ITGA9: variants seen among roughly 807,000 people sequenced by gnomAD.
ITGA9 encodes the protein integrin subunit alpha 9.
A neutral mutation model predicts 127.8 loss-of-function variants in ITGA9; 56 were observed. The observed-to-expected ratio is 0.44, with a 90% CI of 0.35 to 0.55. ITGA9 has a LOEUF of 0.55. Ranked by LOEUF, ITGA9 falls within the 20% of genes least tolerant of loss-of-function variation. The pLI, the probability that ITGA9 is intolerant of heterozygous loss-of-function variation, is 0.00. For missense variants in ITGA9, 1,196 were observed against 1,347.1 expected (o/e 0.89, Z 1.76); for synonymous variants, 508 against 514.5 (o/e 0.99, Z 0.17).
intron 26 of ITGA9, chr3:37,790,457 A>T: frequency 2.6e-6 from 1 of 390,014 alleles, no homozygotes; most frequent in Non-Finnish European, 5.1e-6. Flanking sequence ...TCATAACATG[A>T]TGCCCTCAGG....
rs1169690222 is a variant in ITGA9 at position 37,452,745 on chromosome 3, C to T, written c.185+186C>T. Among the ~76,000 whole-genome samples the T allele has an allele frequency of 1.3e-5, 2 of 152,076 alleles. No homozygotes were observed. Among genetic ancestry groups the T allele is most frequent in the African/African-American group, 4.8e-5 (2 of 41,442 alleles). On this transcript the variant is annotated intron_variant, in intron 1 of 27. Transcript: ENST00000264741. The surrounding 1 kb of genome is among the most constrained non-coding windows in gnomAD (Gnocchi z 7.3). ...GAGAAGGGAGGACGCCGTCCGGGGC[C>T]CGCTAAGGTCGGGGTCGGCGCCTGG...
chr3:37,818,366 G>C (rs898688549), intron 27 of ITGA9: 2 of 151,756 alleles, frequency 1.3e-5, no homozygotes, highest in African/African-American at 5.0e-5. Flanking sequence ...AGGTTCAAGC[G>C]ATTCTCGTGC....
At chr3:37,513,997 C>A in intron 9 of ITGA9, 97 bp downstream of exon 9, 2 of 1,393,818 alleles carry the variant, frequency 1.4e-6, no homozygotes, top group Non-Finnish European at 2.0e-6. Flanking sequence ...GCACTGGGGG[C>A]AATGTTACCC....
chr3:37,746,476 C>T (rs1245123529), intron 22 of ITGA9, among the ~76,000 whole-genome samples: 2 of 152,158 alleles, frequency 1.3e-5, no homozygotes, highest in East Asian at 3.9e-4. Context: ...GCAGATATTA[C>T]ACATGAACAT....
chr3:37,613,505 T>C (rs1700044145), intron 15 of ITGA9, among the ~76,000 whole-genome samples: 1 of 152,210 alleles, frequency 6.6e-6, no homozygotes, highest in Admixed American at 6.5e-5. Flanking sequence ...GGTCAAATGG[T>C]ATTTCTAGTT....
intron 18 of ITGA9, among the ~76,000 whole-genome samples, chr3:37,706,587 C>A (rs528933503): frequency 7.1e-4 from 108 of 152,296 alleles, no homozygotes; most frequent in East Asian, 1.4e-3. Flanking sequence ...GGAGCACTCA[C>A]GCCCCAGCTC....
intron 6 of ITGA9, among the ~76,000 whole-genome samples, chr3:37,504,649 A>G (rs115504843): frequency 1.7e-3 from 252 of 152,354 alleles, no homozygotes; most frequent in African/African-American, 5.9e-3. Context: ...TTTGGGGTCT[A>G]GAACAGCTCC....
At chr3:37,734,707 GTCTTGAAC>G (rs1696337559) in intron 19 of ITGA9, among the ~76,000 whole-genome samples, 1 of 152,190 alleles carries the variant, frequency 6.6e-6, no homozygotes, top group Non-Finnish European at 1.5e-5. Context: ...GGCCAGGCTG[GTCTTGAAC>G]TCCTGACCTC....
chr3:37,518,732 C>T (rs1167420648), intron 10 of ITGA9, among the ~76,000 whole-genome samples: 1 of 131,090 alleles, frequency 7.6e-6, no homozygotes, highest in Non-Finnish European at 1.6e-5. Context: ...TTTTTTGGAA[C>T]TAAATTCTTC....
At chr3:37,591,031 C>T (rs1197774050) in intron 15 of ITGA9, among the ~76,000 whole-genome samples, 1 of 152,138 alleles carries the variant, frequency 6.6e-6, no homozygotes, top group Non-Finnish European at 1.5e-5. Flanking sequence ...GGAGGCCCTG[C>T]CCATGGGAGA....
chr3:37,673,331 C>G (rs972536159), intron 17 of ITGA9, among the ~76,000 whole-genome samples: 1 of 152,168 alleles, frequency 6.6e-6, no homozygotes, highest in African/African-American at 2.4e-5. Flanking sequence ...CCATTCCCCA[C>G]CTTTCCCCTG....
intron 8 of ITGA9, among the ~76,000 whole-genome samples, chr3:37,512,040 CTTT>C (rs1698919653): frequency 1.1e-4 from 3 of 26,664 alleles, no homozygotes; most frequent in East Asian, 3.5e-3. Flanking sequence ...TTCTTTCTTT[CTTT>C]CTTTCTTTCT....
At chr3:37,614,717 C>A in intron 15 of ITGA9, among the ~76,000 whole-genome samples, 2 of 151,484 alleles carry the variant, frequency 1.3e-5, no homozygotes, top group Admixed American at 6.6e-5. Flanking sequence ...ATTTTATTCT[C>A]TTTGAAGCAA....
intron 5 of ITGA9, 46 bp downstream of exon 5, chr3:37,494,614 A>C: frequency 6.6e-7 from 1 of 1,516,514 alleles, no homozygotes; most frequent in Non-Finnish European, 9.2e-7. Flanking sequence ...GTGGGTGTTC[A>C]TTTCCTTGCT....
chr3:37,549,861 T>C (rs1426342217), intron 15 of ITGA9, among the ~76,000 whole-genome samples: 2 of 152,216 alleles, frequency 1.3e-5, no homozygotes, highest in Non-Finnish European at 2.9e-5. Flanking sequence ...TAGTAGATAA[T>C]AGTGTGTTTG....
In ITGA9 at chr3:37,629,334, C is replaced by G. The variant is rs1700208037; in HGVS notation, c.1837C>G (p.Gln613Glu). 2.5e-6 allele frequency: 4 copies of G among 1,613,896 alleles called. No homozygotes were observed. Among genetic ancestry groups the G allele is most frequent in the Non-Finnish European group, 3.4e-6 (4 of 1,179,978 alleles). ...KKGQKIAQKN[Q>E]TVFERNCRSE... ...GGGACAAAAGATTGCCCAAAAGAAT[C>G]AGGTCAGAACCTTAAAGCTCATACT... The change falls in exon 16 of 28, where the codon CAG (glutamine) becomes GAG (glutamate). Residue 613 changes from glutamine (Q) to glutamate (E), a missense_variant and splice_region_variant. Coordinates refer to ENST00000264741, the MANE Select transcript of ITGA9 (RefSeq NM_002207.3). This position sits in a 1 kb window ranked among gnomAD's most constrained non-coding sequence, Gnocchi z 4.5.
rs995388824 is a variant in ITGA9 at position 37,783,945 on chromosome 3, A to G, written c.2788-1032A>G. ...TCTTTGGCAGAGATGAGCAAAGGGT[A>G]CCCTTGGAACTGTTTTCTGTGGAGT... is the stretch of plus-strand genomic sequence containing the variant. On this transcript the variant is annotated intron_variant, in intron 25 of 27. Transcript: ENST00000264741. Among the ~76,000 whole-genome samples the G allele has an allele frequency of 5.9e-5, 9 of 152,110 alleles. No individual in the cohort carries two copies. The South Asian group carries it at 1.9e-3, about 32-fold the overall frequency.
intron 18 of ITGA9, among the ~76,000 whole-genome samples, chr3:37,686,425 A>G (rs1427801199): frequency 6.6e-6 from 1 of 152,124 alleles, no homozygotes; most frequent in African/African-American, 2.4e-5. Context: ...CTGTATCGTC[A>G]TTGGCCACTG....
chr3:37,602,274 A>G (rs1453880672), intron 15 of ITGA9, among the ~76,000 whole-genome samples: 1 of 152,070 alleles, frequency 6.6e-6, no homozygotes, highest in East Asian at 1.9e-4. Context: ...AAACAAAACA[A>G]AACAAAAAAA....
Sources: allele counts gnomAD v4.1 joint callset (sites outside exome capture counted in the v4.1 genomes callset), GRCh38; gene constraint gnomAD v4.1.1; non-coding constraint Gnocchi (gnomAD v3.1); transcripts MANE v1.5; gene names NCBI Gene and HGNC (gene_info 2026-07-23, HGNC 2026-07-21).